SNTB1: variants seen among roughly 807,000 people sequenced by gnomAD.
SNTB1 encodes syntrophin beta 1.
Under a neutral mutation model 48.9 loss-of-function variants are expected in SNTB1, and 36 were observed. The observed-to-expected ratio is 0.74, with a 90% confidence interval of 0.56 to 0.97. SNTB1 has a LOEUF of 0.97. SNTB1 is among the 50% of genes least tolerant of loss of function. The probability of loss-of-function intolerance (pLI) is 0.00; values close to 1 mark genes in which losing one functional copy is unlikely to be tolerated. For missense variants in SNTB1, 786 were observed against 703.4 expected, an observed-to-expected ratio of 1.12 and a Z score of -1.33; for synonymous variants, 299 against 294.6, an observed-to-expected ratio of 1.01 and a Z score of -0.15.
chr8:120,621,379 A>G (rs926954059), intron 3 of SNTB1, among the ~76,000 whole-genome samples: 1 of 152,200 alleles, frequency 6.6e-6, no homozygotes, highest in Admixed American at 6.5e-5. Flanking sequence ...CCTGCAACTG[A>G]GAAGATGCCA....
At chr8:120,570,140 G>T (rs1226586017) in intron 4 of SNTB1, 5 of 152,188 alleles carry the variant, frequency 3.3e-5, no homozygotes, top group Non-Finnish European at 4.4e-5. Flanking sequence ...CTGGTTACAG[G>T]ATAGGAAAGC....
chr8:120,545,273 GGC>G (rs1272557808), intron 5 of SNTB1, among the ~76,000 whole-genome samples: 1 of 152,186 alleles, frequency 6.6e-6, no homozygotes, highest in East Asian at 1.9e-4. Flanking sequence ...GAACCTGGGA[GGC>G]GGAGGTTGCA....
intron 1 of SNTB1, among the ~76,000 whole-genome samples, chr8:120,719,577 C>T (rs1424846256): frequency 3.2e-4 from 48 of 152,266 alleles, no homozygotes; most frequent in Non-Finnish European, 5.9e-5. Flanking sequence ...CCTTGCCATC[C>T]ATCATTGCTC....
chr8:120,584,461 A>AAC (rs1703673484), intron 3 of SNTB1, among the ~76,000 whole-genome samples: 1 of 100,296 alleles, frequency 1.0e-5, no homozygotes, highest in African/African-American at 3.8e-5. Context: ...AAAAAAAAAA[A>AAC]GTGTAGTAAT....
At chr8:120,681,906 A>G (rs956728851) in intron 2 of SNTB1, among the ~76,000 whole-genome samples, 3 of 152,126 alleles carry the variant, frequency 2.0e-5, no homozygotes, top group Non-Finnish European at 4.4e-5. Flanking sequence ...ACAAACAAAC[A>G]AACAGAAAAC....
chr8:120,655,698 T>C (rs971804195), intron 2 of SNTB1, among the ~76,000 whole-genome samples: 2 of 152,202 alleles, frequency 1.3e-5, no homozygotes, highest in African/African-American at 2.4e-5. Flanking sequence ...TGAATACCCA[T>C]CCTGTGTATT....
chr8:120,672,097 T>C (rs1817767705), intron 2 of SNTB1, among the ~76,000 whole-genome samples: 1 of 152,194 alleles, frequency 6.6e-6, no homozygotes. Context: ...TATTATGAAA[T>C]AGTCTGTGTT....
chr8:120,542,452 G>A (rs987142254), intron 5 of SNTB1, among the ~76,000 whole-genome samples: 5 of 152,094 alleles, frequency 3.3e-5, no homozygotes, highest in African/African-American at 9.7e-5. Context: ...TCAGGAGTTC[G>A]AGACCAGCCT....
chr8:120,645,127 G>A (rs954954273), intron 2 of SNTB1, among the ~76,000 whole-genome samples: 3 of 151,350 alleles, frequency 2.0e-5, no homozygotes, highest in African/African-American at 7.3e-5. Context: ...TGTTCACTCT[G>A]ATGGTAGTTT....
intron 1 of SNTB1, among the ~76,000 whole-genome samples, chr8:120,699,623 T>A (rs1818271435): frequency 6.6e-6 from 1 of 152,196 alleles, no homozygotes; most frequent in Non-Finnish European, 1.5e-5. Context: ...TAAACCTCTT[T>A]CCTTTATAAA....
At chr8:120,580,480 T>C (rs560860446) in intron 3 of SNTB1, among the ~76,000 whole-genome samples, 1 of 152,254 alleles carries the variant, frequency 6.6e-6, no homozygotes, top group East Asian at 1.9e-4. Flanking sequence ...CTCAAAATGG[T>C]AAACTGCCCC....
At chr8:120,550,377 AC>A (rs991704683) in intron 4 of SNTB1, among the ~76,000 whole-genome samples, 2 of 151,982 alleles carry the variant, frequency 1.3e-5, no homozygotes, top group Non-Finnish European at 2.9e-5. Context: ...CCCCGTCTCT[AC>A]TAAAAATACA....
intron 1 of SNTB1, among the ~76,000 whole-genome samples, chr8:120,735,875 G>C (rs1426880599): frequency 6.6e-6 from 1 of 152,204 alleles, no homozygotes; most frequent in African/African-American, 2.4e-5. Flanking sequence ...ACCATGGGTG[G>C]CTCACAATAG....
At chr8:120,556,454 T>C (rs4409432) in intron 4 of SNTB1, among the ~76,000 whole-genome samples, 134,765 of 152,248 alleles carry the variant, frequency 0.89, 59,896 homozygotes, top group Admixed American at 0.94. Flanking sequence ...GTTATTTCAT[T>C]CCTATTAAGG....
chr8:120,640,887 C>T (rs904926326), intron 2 of SNTB1, among the ~76,000 whole-genome samples: 2 of 152,130 alleles, frequency 1.3e-5, no homozygotes, highest in African/African-American at 4.8e-5. Flanking sequence ...ATGCTAGCCT[C>T]ATAAAATGAG....
At chr8:120,675,913 T>C (rs1163233468) in intron 2 of SNTB1, among the ~76,000 whole-genome samples, 1 of 152,228 alleles carries the variant, frequency 6.6e-6, no homozygotes, top group Non-Finnish European at 1.5e-5. Context: ...ACTGTGAACT[T>C]ACTCAACCTC....
intron 6 of SNTB1, 75 bp downstream of exon 6, chr8:120,541,735 G>A: frequency 9.0e-7 from 1 of 1,114,572 alleles, no homozygotes; most frequent in East Asian, 2.5e-5. Context: ...TGCCGAATAA[G>A]AGTAAGGCAG....
chr8:120,755,400 G>A (rs1819301753), intron 1 of SNTB1, among the ~76,000 whole-genome samples: 1 of 152,072 alleles, frequency 6.6e-6, no homozygotes, highest in South Asian at 2.1e-4. Context: ...CAGAGGAGGA[G>A]GGTGTGCCAT....
At chr8:120,772,152 A>G (rs1819646838) in intron 1 of SNTB1, among the ~76,000 whole-genome samples, 1 of 152,042 alleles carries the variant, frequency 6.6e-6, no homozygotes, top group African/African-American at 2.4e-5. Context: ...TACAGGCATG[A>G]GCCACTGCAC....
Sources: gnomAD v4.1 joint callset for allele counts (sites outside exome capture counted in the v4.1 genomes callset) on GRCh38, gnomAD v4.1.1 for gene constraint, MANE v1.5 for transcripts, NCBI Gene and HGNC (gene_info 2026-07-23, HGNC 2026-07-21) for gene names.